Variants in CTNND2 observed in about 807,000 individuals in gnomAD.
CTNND2 encodes catenin delta 2.
Under a neutral mutation model 144.4 loss-of-function variants are expected in CTNND2, and 22 were observed. The observed-to-expected ratio is 0.15, with a 90% CI of 0.11 to 0.22. The LOEUF (loss-of-function observed/expected upper bound fraction) is 0.22, where lower values mean the gene tolerates loss of function less well. Ranked by LOEUF, CTNND2 falls within the 10% of genes least tolerant of loss-of-function variation. The pLI, the probability that CTNND2 is intolerant of heterozygous loss-of-function variation, is 1.00. For synonymous variants in CTNND2, 751 were observed against 695.6 expected (o/e 1.08, Z -1.25); for missense variants, 1,353 against 1,618.8 (o/e 0.84, Z 2.82).
At chr5:11,398,261 A>G (rs1046192346) in intron 5 of CTNND2, among the ~76,000 whole-genome samples, 3 of 152,076 alleles carry the variant, frequency 2.0e-5, no homozygotes, top group Admixed American at 6.5e-5. Context: ...CAATAATATC[A>G]CTTCTGATAA....
intron 10 of CTNND2, among the ~76,000 whole-genome samples, chr5:11,216,561 G>T (rs1324176714): frequency 1.3e-5 from 2 of 152,194 alleles, no homozygotes; most frequent in Non-Finnish European, 2.9e-5. Flanking sequence ...CTTCACCCTA[G>T]AGGCTCCAGA....
intron 12 of CTNND2, among the ~76,000 whole-genome samples, chr5:11,151,692 T>C (rs368665328): frequency 6.6e-6 from 1 of 152,172 alleles, no homozygotes; most frequent in Non-Finnish European, 1.5e-5. Flanking sequence ...TGTGCAAATT[T>C]TCATAATTAA....
intron 2 of CTNND2, among the ~76,000 whole-genome samples, chr5:11,648,647 TTTAA>T (rs369498108): frequency 2.1e-3 from 322 of 152,354 alleles, no homozygotes; most frequent in Middle Eastern, 6.8e-3. Context: ...GCACTATTTA[TTTAA>T]TTCTTTATTC....
At chr5:11,150,058 G>A (rs1316429329) in intron 12 of CTNND2, among the ~76,000 whole-genome samples, 1 of 152,172 alleles carries the variant, frequency 6.6e-6, no homozygotes, top group African/African-American at 2.4e-5. Context: ...ATCCCAGAGA[G>A]GCAGACAGGG....
At chr5:11,619,035 T>C (rs1359485920) in intron 2 of CTNND2, among the ~76,000 whole-genome samples, 1 of 152,234 alleles carries the variant, frequency 6.6e-6, no homozygotes, top group Non-Finnish European at 1.5e-5. Flanking sequence ...GTTATTATGT[T>C]ATTTCTGAAG....
At chr5:11,276,267 T>C (rs1746511386) in intron 9 of CTNND2, among the ~76,000 whole-genome samples, 1 of 152,174 alleles carries the variant, frequency 6.6e-6, no homozygotes, top group Non-Finnish European at 1.5e-5. Flanking sequence ...ATACAGATGA[T>C]AATCAAAGCC....
chr5:11,564,900 G>A (rs1561563157), intron 3 of CTNND2, 44 bp downstream of exon 3: 2 of 1,321,214 alleles, frequency 1.5e-6, no homozygotes, highest in Non-Finnish European at 2.2e-6. Context: ...TTTACTTGCA[G>A]GGGCAACTCA....
chr5:11,443,298 G>A (rs1209202914), intron 3 of CTNND2, among the ~76,000 whole-genome samples: 2 of 123,322 alleles, frequency 1.6e-5, no homozygotes, highest in Non-Finnish European at 3.3e-5. Context: ...TGTGGTGTGT[G>A]TGCATGTGTG....
At chr5:11,340,898 T>G (rs368761194) in intron 9 of CTNND2, among the ~76,000 whole-genome samples, 3 of 152,178 alleles carry the variant, frequency 2.0e-5, no homozygotes, top group Non-Finnish European at 4.4e-5. Context: ...ATAACGAATA[T>G]AAAATATTCA....
intron 5 of CTNND2, among the ~76,000 whole-genome samples, chr5:11,400,412 C>T (rs960585148): frequency 9.2e-5 from 14 of 152,132 alleles, no homozygotes; most frequent in East Asian, 3.9e-4. Flanking sequence ...GCCTTCAAGA[C>T]GCTGACCTGA....
intron 2 of CTNND2, among the ~76,000 whole-genome samples, chr5:11,569,330 T>C (rs575724373): frequency 6.6e-6 from 1 of 152,302 alleles, no homozygotes; most frequent in South Asian, 2.1e-4. Flanking sequence ...CATAAAAGTA[T>C]TGGAGATATG....
intron 9 of CTNND2, among the ~76,000 whole-genome samples, chr5:11,238,859 C>T (rs2149900451): frequency 6.6e-6 from 1 of 152,218 alleles, no homozygotes; most frequent in East Asian, 1.9e-4. Flanking sequence ...TCCTTCTTGG[C>T]TATGTGATCA....
intron 8 of CTNND2, among the ~76,000 whole-genome samples, chr5:11,363,482 A>C (rs576186308): frequency 6.6e-6 from 1 of 152,218 alleles, no homozygotes; most frequent in African/African-American, 2.4e-5. Context: ...CCCAACTCCA[A>C]GCAGGAGTGG....
intron 3 of CTNND2, among the ~76,000 whole-genome samples, chr5:11,424,093 A>C (rs942392984): frequency 2.0e-5 from 3 of 152,200 alleles, no homozygotes; most frequent in African/African-American, 4.8e-5. Context: ...TAAAAAGTTT[A>C]ATGGGTGCAC....
chr5:11,099,065 A>G (rs1751629713), intron 14 of CTNND2, among the ~76,000 whole-genome samples: 1 of 152,200 alleles, frequency 6.6e-6, no homozygotes. Context: ...GGAAGAGATG[A>G]ATTAATTTTG....
chr5:11,364,205 T>C (rs1429806035), intron 8 of CTNND2, among the ~76,000 whole-genome samples: 1 of 152,244 alleles, frequency 6.6e-6, no homozygotes, highest in East Asian at 1.9e-4. Context: ...ACAATAATTT[T>C]GTGATTCAAT....
chr5:11,376,324 G>GCGTGTGTGTGTGTTCATGTATCTC (rs1554044787), intron 7 of CTNND2, among the ~76,000 whole-genome samples: 1 of 149,160 alleles, frequency 6.7e-6, no homozygotes, highest in Non-Finnish European at 1.5e-5. Context: ...GTGTGTGTGT[G>GCGTGTGTGTGTGTTCATGTATCTC]TGTGTGTGTG....
chr5:11,100,462 G>A (rs867111710), intron 14 of CTNND2, among the ~76,000 whole-genome samples: 2 of 152,116 alleles, frequency 1.3e-5, no homozygotes, highest in South Asian at 2.1e-4. Flanking sequence ...AACTAGCCCC[G>A]TCACATTGCT....
At chr5:11,018,997 G>A (rs1289400115) in intron 17 of CTNND2, among the ~76,000 whole-genome samples, 5 of 152,214 alleles carry the variant, frequency 3.3e-5, no homozygotes, top group African/African-American at 4.8e-5. Flanking sequence ...GTGATCCACC[G>A]TGCCCAGCCA....
Sources: gnomAD v4.1 joint callset for allele counts (sites outside exome capture counted in the v4.1 genomes callset) on GRCh38, gnomAD v4.1.1 for gene constraint, MANE v1.5 for transcripts, NCBI Gene and HGNC (gene_info 2026-07-23, HGNC 2026-07-21) for gene names.